The following DLGAP2 variants were observed in gnomAD, a reference collection of about 807,000 sequenced individuals.
The protein encoded by DLGAP2 is DLG associated protein 2, also known as disks large-associated protein 2.
Under a neutral mutation model 100.3 loss-of-function variants are expected in DLGAP2, and 26 were observed. The observed-to-expected ratio is 0.26, with a 90% CI of 0.19 to 0.36. The LOEUF is 0.36. Among genes scored for constraint, DLGAP2 ranks in the 10% least tolerant of loss-of-function variants. The pLI is 1.00. For synonymous variants in DLGAP2, 886 were observed against 630.1 expected, an observed-to-expected ratio of 1.41 and a Z score of -6.08; for missense variants, 1,858 against 1,453.2, an observed-to-expected ratio of 1.28 and a Z score of -4.53.
At chr8:1,266,449 C>G (rs1333043208) in intron 3 of DLGAP2, among the ~76,000 whole-genome samples, 1 of 152,220 alleles carries the variant, frequency 6.6e-6, no homozygotes, top group Non-Finnish European at 1.5e-5. Flanking sequence ...GAATCCCTCT[C>G]CCCATCAACC....
intron 2 of DLGAP2, among the ~76,000 whole-genome samples, chr8:1,115,776 C>G (rs1269442248): frequency 6.6e-6 from 1 of 152,198 alleles, no homozygotes; most frequent in Non-Finnish European, 1.5e-5. Context: ...CAGCCACACT[C>G]ATTTTAAGGC....
At chr8:1,508,154 C>T (rs80178909) in intron 4 of DLGAP2, among the ~76,000 whole-genome samples, 1 of 151,852 alleles carries the variant, frequency 6.6e-6, no homozygotes, top group Admixed American at 6.6e-5. Context: ...ATTTGTGGAA[C>T]TTAGGATGCC....
At chr8:1,210,595 G>A (rs1798083462) in intron 2 of DLGAP2, among the ~76,000 whole-genome samples, 1 of 152,188 alleles carries the variant, frequency 6.6e-6, no homozygotes, top group African/African-American at 2.4e-5. Context: ...TGGCAGGTGG[G>A]GTATGGCATG....
At position 1,411,463 on chromosome 8, in the gene DLGAP2, A is replaced by C. The variant is rs374896372; in HGVS notation, c.107-89903A>C. Among the ~76,000 whole-genome samples, 8 of 152,332 alleles carry C rather than the reference A, an allele frequency of 5.3e-5. No homozygotes were observed. In the East Asian group the frequency reaches 1.4e-3, roughly 26 times the overall value. On this transcript the variant is annotated intron_variant, in intron 3 of 14. Coordinates refer to ENST00000637795, the MANE Select transcript of DLGAP2 (RefSeq NM_001346810.2). ...TGGCCTTTGGCCCCACTTGTGCCGAAGATATAACTCCATCCTGCTTGCCTC... is the reference window on the plus strand; with the variant it reads ...TGGCCTTTGGCCCCACTTGTGCCGACGATATAACTCCATCCTGCTTGCCTC...
chr8:1,612,460 C>T (rs1269172896), intron 6 of DLGAP2, among the ~76,000 whole-genome samples: 9 of 143,128 alleles, frequency 6.3e-5, no homozygotes, highest in African/African-American at 2.1e-4. Flanking sequence ...CTAGGCATTA[C>T]CATTCAGGAC....
At chr8:1,173,379 C>G (rs1797174423) in intron 2 of DLGAP2, among the ~76,000 whole-genome samples, 3 of 152,200 alleles carry the variant, frequency 2.0e-5, no homozygotes, top group Admixed American at 2.0e-4. Context: ...AGATCTCCAG[C>G]TGTGTGCTAG....
intron 2 of DLGAP2, among the ~76,000 whole-genome samples, chr8:1,191,642 A>C (rs962929803): frequency 6.7e-6 from 1 of 149,010 alleles, no homozygotes; most frequent in Non-Finnish European, 1.5e-5. Context: ...TCTCTGTTGC[A>C]ATGAGCAGAC....
chr8:1,482,495 T>C (rs1242219371), intron 3 of DLGAP2, among the ~76,000 whole-genome samples: 1 of 152,274 alleles, frequency 6.6e-6, no homozygotes, highest in Non-Finnish European at 1.5e-5. Flanking sequence ...CTGAGTAATT[T>C]ATATGCATTT....
intron 2 of DLGAP2, among the ~76,000 whole-genome samples, chr8:1,186,524 T>C (rs995024459): frequency 6.6e-6 from 1 of 152,162 alleles, no homozygotes. Context: ...TCCAGGCGCC[T>C]TATCCTCTCT....
chr8:1,186,381 G>A (rs1387594235), intron 2 of DLGAP2, among the ~76,000 whole-genome samples: 2 of 152,190 alleles, frequency 1.3e-5, no homozygotes, highest in African/African-American at 4.8e-5. Flanking sequence ...CAGCAAAACT[G>A]TGACCAGGCA....
At chr8:1,499,861 A>T (rs749969547) in intron 3 of DLGAP2, among the ~76,000 whole-genome samples, 6 of 152,154 alleles carry the variant, frequency 3.9e-5, no homozygotes, top group Non-Finnish European at 7.3e-5. Flanking sequence ...ACTTATTGAA[A>T]ATGGCAGATG....
intron 3 of DLGAP2, among the ~76,000 whole-genome samples, chr8:1,473,202 A>G (rs142057150): frequency 7.2e-4 from 110 of 152,310 alleles, no homozygotes; most frequent in Admixed American, 3.5e-3. Context: ...AAGAGCTGGG[A>G]TTACAGTCGT....
At chr8:1,673,471 T>C (rs1798738958) in intron 10 of DLGAP2, among the ~76,000 whole-genome samples, 1 of 152,236 alleles carries the variant, frequency 6.6e-6, no homozygotes, top group Non-Finnish European at 1.5e-5. Flanking sequence ...GACTTTACCA[T>C]CCAGCAATGG....
intron 8 of DLGAP2, among the ~76,000 whole-genome samples, chr8:1,634,487 T>C (rs7009637): frequency 0.062 from 9,431 of 152,196 alleles, 934 homozygotes; most frequent in African/African-American, 0.21. Flanking sequence ...CCTCCTGTTT[T>C]CCTCTGGTTT....
chr8:1,626,337 C>T (rs866408954), intron 6 of DLGAP2, among the ~76,000 whole-genome samples: 1 of 94,274 alleles, frequency 1.1e-5, no homozygotes, highest in African/African-American at 5.0e-5. Flanking sequence ...GGTTGGACGG[C>T]TGTTCCCATC....
intron 1 of DLGAP2, among the ~76,000 whole-genome samples, chr8:870,448 C>T (rs1797576017): frequency 6.6e-6 from 1 of 152,076 alleles, no homozygotes. Flanking sequence ...GGGTCTGTCT[C>T]CTTGGCACCC....
At chr8:899,443 G>C (rs1046477216) in intron 1 of DLGAP2, among the ~76,000 whole-genome samples, 1 of 152,214 alleles carries the variant, frequency 6.6e-6, no homozygotes. Flanking sequence ...TACCGGCCCT[G>C]CATGCAGAGG....
At chr8:1,131,530 C>G (rs1796294281) in intron 2 of DLGAP2, among the ~76,000 whole-genome samples, 1 of 152,320 alleles carries the variant, frequency 6.6e-6, no homozygotes, top group South Asian at 2.1e-4. Context: ...ACCCGAATCA[C>G]TTCCCAAAGG....
intron 1 of DLGAP2, among the ~76,000 whole-genome samples, chr8:792,378 C>A (rs562935574): frequency 3.3e-5 from 5 of 152,196 alleles, no homozygotes; most frequent in African/African-American, 1.2e-4. Flanking sequence ...ATTTATACTC[C>A]TAGTTTTTGT....
Sources: gnomAD v4.1 joint callset for allele counts (sites outside exome capture counted in the v4.1 genomes callset) on GRCh38, gnomAD v4.1.1 for gene constraint, MANE v1.5 for transcripts, NCBI Gene and HGNC (gene_info 2026-07-23, HGNC 2026-07-21) for gene names.